Variants in ANKRD18A observed in about 807,000 individuals in gnomAD.
The protein encoded by ANKRD18A is ankyrin repeat domain-containing protein 18A.
A neutral mutation model predicts 110.6 loss-of-function variants in ANKRD18A; 72 were observed. The ratio of observed to expected loss-of-function variants is 0.65; its 90% CI spans 0.54 to 0.79. The LOEUF is 0.79. ANKRD18A is among the 30% of genes least tolerant of loss of function. The pLI, the probability that ANKRD18A is intolerant of heterozygous loss-of-function variation, is 0.00. For synonymous variants in ANKRD18A, 305 were observed against 410.3 expected (o/e 0.74, Z 3.10); for missense variants, 934 against 1,163.3 (o/e 0.80, Z 2.87).
At chr9:38,613,023 A>G (rs1031928785) in intron 3 of ANKRD18A, among the ~76,000 whole-genome samples, 4 of 152,050 alleles carry the variant, frequency 2.6e-5, no homozygotes, top group East Asian at 1.9e-4. Flanking sequence ...GGATTTATAT[A>G]AACTATAGAC....
intron 15 of ANKRD18A, chr9:38,572,267 A>T: frequency 1.2e-5 from 5 of 415,210 alleles, no homozygotes; most frequent in Non-Finnish European, 1.7e-5. Context: ...TTCATTCTTC[A>T]TTCATGTACT....
At chr9:38,590,810 A>T (rs550713422) in intron 10 of ANKRD18A, among the ~76,000 whole-genome samples, 1 of 152,204 alleles carries the variant, frequency 6.6e-6, no homozygotes, top group South Asian at 2.1e-4. Context: ...CTGCTTAGGA[A>T]TTCATGAAAT....
intron 6 of ANKRD18A, among the ~76,000 whole-genome samples, chr9:38,604,692 AAAC>A (rs1445601437): frequency 2.6e-5 from 4 of 151,756 alleles, no homozygotes; most frequent in Non-Finnish European, 5.9e-5. Context: ...GACACAGGTA[AAAC>A]AACAACAAAG....
At chr9:38,616,073 A>T in intron 1 of ANKRD18A, 29 bp from the exon 2 acceptor site, 1 of 1,486,770 alleles carries the variant, frequency 6.7e-7, no homozygotes, top group Non-Finnish European at 9.0e-7. Flanking sequence ...TTTTCAGGAA[A>T]TGTAGTGCAA....
chr9:38,586,103 C>T (rs1824369065), intron 12 of ANKRD18A, 80 bp downstream of exon 12: 1 of 1,328,706 alleles, frequency 7.5e-7, no homozygotes, highest in South Asian at 1.4e-5. Flanking sequence ...TCATGGCACA[C>T]ATTTACCTAT....
At chr9:38,598,344 A>G (rs1018942020) in intron 8 of ANKRD18A, among the ~76,000 whole-genome samples, 18 of 152,228 alleles carry the variant, frequency 1.2e-4, no homozygotes, top group African/African-American at 4.3e-4. Context: ...TTGATGAATG[A>G]ACAAAGATTA....
intron 1 of ANKRD18A, among the ~76,000 whole-genome samples, chr9:38,617,914 T>C (rs567871685): frequency 1.6e-4 from 25 of 152,276 alleles, no homozygotes; most frequent in African/African-American, 5.5e-4. Flanking sequence ...GTGATAGTAA[T>C]AATATTTGCT....
chr9:38,578,096 A>G lies in ANKRD18A; in HGVS notation c.2300T>C (p.Leu767Ser), dbSNP rs1389536396. 1 of 1,550,290 alleles carries G rather than the reference A, an allele frequency of 6.5e-7. No homozygotes were observed. Among genetic ancestry groups the G allele is most frequent in the Non-Finnish European group, 8.7e-7 (1 of 1,146,560 alleles). ...ATGAAGAACTTCATTGTCTTTGGCC[A>G]AATTGACACATTCTGAAGACACAGC... ...KEAVSSECVN[L>S]AKDNEVLHQE... The change falls in exon 13 of 16, where the codon TTG (leucine) becomes TCG (serine). Residue 767 changes from leucine (L) to serine (S), a missense_variant. Physicochemically the swap from Leu to Ser is moderately radical, Grantham distance 145. Around this residue, in one of 4 missense-constraint regions of ANKRD18A, gnomAD observed 79 missense variants for 122.8 expected, o/e 0.64. Transcript: ENST00000399703.
In ANKRD18A at chr9:38,577,950, G is replaced by A. The variant is rs1823974629; in HGVS notation, c.2446C>T (p.Leu816Phe). The A allele has an allele frequency of 6.3e-7, 1 of 1,589,762 alleles. No homozygotes were observed. Among genetic ancestry groups the A allele is most frequent in the African/African-American group, 1.4e-5 (1 of 73,930 alleles). Residue 816 changes from leucine (L) to phenylalanine (F), a missense_variant, in exon 13 of 16, where the codon CTT becomes TTT. Leu to Phe is a conservative substitution (Grantham distance 22). Around this residue, in one of 4 missense-constraint regions of ANKRD18A, gnomAD observed 223 missense variants for 226.7 expected, o/e 0.98. Coordinates refer to ENST00000399703, the MANE Select transcript of ANKRD18A (RefSeq NM_147195.4). ...KTHMEKDMVE[L>F]GKLQEYKSEL... ...GATTTATATTCTTGTAGTTTACCAA[G>A]TTCTACCATATCTTTTTCCATATGT...
intron 9 of ANKRD18A, among the ~76,000 whole-genome samples, chr9:38,594,211 A>G (rs1191220462): frequency 6.6e-6 from 1 of 152,026 alleles, no homozygotes; most frequent in Non-Finnish European, 1.5e-5. Context: ...AATCCTTCCA[A>G]CGGATTCCTA....
At chr9:38,580,532 G>C (rs966076075) in intron 12 of ANKRD18A, among the ~76,000 whole-genome samples, 3 of 152,298 alleles carry the variant, frequency 2.0e-5, no homozygotes, top group Admixed American at 6.5e-5. Flanking sequence ...TGGCATTATA[G>C]AGTGAATATG....
At position 38,620,389 on chromosome 9, in the gene ANKRD18A, C is replaced by T; in HGVS notation, c.-104G>A. On this transcript the variant is annotated 5_prime_UTR_variant, in exon 1 of 16. Transcript: ENST00000399703. ...CCAAATCCGCGATCTCCCCCGCAACCCGCGATCCCCCCCGCAACCCGCGAT... is the reference window on the plus strand; with the variant it reads ...CCAAATCCGCGATCTCCCCCGCAACTCGCGATCCCCCCCGCAACCCGCGAT... The T allele has an allele frequency of 1.6e-6, 2 of 1,278,066 alleles. No homozygotes were observed. Among genetic ancestry groups the T allele is most frequent in the Admixed American group, 3.6e-5 (1 of 28,082 alleles). 79.2% of individuals were successfully genotyped at this position (1,278,066 alleles called of 1,614,324 possible).
At chr9:38,569,016 C>G (rs2118590636), downstream of ANKRD18A, 1 of 985,372 alleles carries the variant, frequency 1.0e-6, no homozygotes, top group East Asian at 1.1e-4. Flanking sequence ...CTTCCCAAGG[C>G]CCAGGTGCCA....
At chr9:38,579,466 G>C (rs1353261334) in intron 12 of ANKRD18A, among the ~76,000 whole-genome samples, 1 of 152,014 alleles carries the variant, frequency 6.6e-6, no homozygotes, top group East Asian at 1.9e-4. Context: ...CACCCTGACA[G>C]TAAACAAAAA....
intron 5 of ANKRD18A, 25 bp downstream of exon 5, chr9:38,610,248 C>T: frequency 6.7e-7 from 1 of 1,498,106 alleles, no homozygotes; most frequent in Non-Finnish European, 8.9e-7. Context: ...TTAGTATTAA[C>T]CGGTCTTTTA....
chr9:38,605,209 T>G (rs1363676532), intron 6 of ANKRD18A, among the ~76,000 whole-genome samples: 1 of 152,252 alleles, frequency 6.6e-6, no homozygotes, highest in Non-Finnish European at 1.5e-5. Flanking sequence ...ACTGTATTTT[T>G]TAAATGTATT....
At chr9:38,614,217 AGGTTT>A (rs1825758657) in intron 3 of ANKRD18A, among the ~76,000 whole-genome samples, 2 of 100,404 alleles carry the variant, frequency 2.0e-5, no homozygotes, top group Non-Finnish European at 3.8e-5. Context: ...TCGAACACTG[AGGTTT>A]TTTTTTTTTT....
rs187184621 is a variant in ANKRD18A, at chr9:38,606,866, A to C, written c.808+560T>G. ...ATTTCTTATTTATATTAATACAAAA[A>C]TATGTAGAATTTCAAGGATCATAAG... On this transcript the variant is annotated intron_variant, in intron 6 of 15. Coordinates refer to ENST00000399703, the MANE Select transcript of ANKRD18A (RefSeq NM_147195.4). Among the ~76,000 whole-genome samples, 454 of 152,260 alleles carry C rather than the reference A, an allele frequency of 3.0e-3. 1 individual carries two copies. Among genetic ancestry groups the C allele is most frequent in the African/African-American group, 0.011 (442 of 41,552 alleles).
chr9:38,591,132 A>AT (rs916755859), intron 10 of ANKRD18A, among the ~76,000 whole-genome samples: 4,187 of 140,174 alleles, frequency 0.03, 68 homozygotes, highest in South Asian at 0.05. Flanking sequence ...CAGCTGTTTA[A>AT]TTTTTTTTTT....
Sources: gnomAD v4.1 joint callset for allele counts (sites outside exome capture counted in the v4.1 genomes callset) on GRCh38, gnomAD v4.1.1 for gene constraint, gnomAD v4.1.1 regional missense constraint, MANE v1.5 for transcripts, NCBI Gene and HGNC (gene_info 2026-07-23, HGNC 2026-07-21) for gene names.